Variants in CPEB3 observed in about 807,000 individuals in gnomAD.
The protein encoded by CPEB3 is cytoplasmic polyadenylation element-binding protein 3.
Under a neutral mutation model 67.2 loss-of-function variants are expected in CPEB3, and 20 were observed. The ratio of observed to expected loss-of-function variants is 0.30; its 90% confidence interval spans 0.21 to 0.43. CPEB3 has a LOEUF of 0.43. CPEB3 is among the 20% of genes least tolerant of loss of function. CPEB3 has a pLI of 1.00. For synonymous variants in CPEB3, 376 were observed against 393.1 expected (o/e 0.96, Z 0.51); for missense variants, 746 against 968.6 (o/e 0.77, Z 3.05).
chr10:92,272,269 A>T (rs780882330), intron 1 of CPEB3: 19 of 152,064 alleles, frequency 1.2e-4, no homozygotes, highest in South Asian at 2.1e-4. Context: ...TTTTTTGTTC[A>T]TTATTCTATT....
intron 9 of CPEB3, among the ~76,000 whole-genome samples, chr10:92,058,584 CATACATACATAT>C (rs1480269370): frequency 3.3e-5 from 4 of 122,568 alleles, no homozygotes; most frequent in South Asian, 3.5e-4. Flanking sequence ...TACATACATA[CATACATACATAT>C]ATATATATAT....
At chr10:92,216,714 T>C in intron 2 of CPEB3, 2 of 1,606,694 alleles carry the variant, frequency 1.2e-6, no homozygotes, top group Non-Finnish European at 8.5e-7. Flanking sequence ...TGTGTGATAA[T>C]GGTCAAGCCC....
intron 2 of CPEB3, among the ~76,000 whole-genome samples, chr10:92,197,775 C>T (rs1849309892): frequency 6.6e-6 from 1 of 152,190 alleles, no homozygotes; most frequent in Admixed American, 6.5e-5. Flanking sequence ...TGCATTATCT[C>T]ACAGCCCTAT....
intron 6 of CPEB3, among the ~76,000 whole-genome samples, chr10:92,130,687 C>CT (rs1355553775): frequency 6.8e-6 from 1 of 146,678 alleles, no homozygotes; most frequent in East Asian, 2.0e-4. Flanking sequence ...CAACTGAGGT[C>CT]TATCTATGTG....
chr10:92,217,583 G>A lies in CPEB3; in HGVS notation c.1005+21763C>T, dbSNP rs186151361. Among the ~76,000 whole-genome samples the A allele has an allele frequency of 1.8e-3, 272 of 151,710 alleles. 1 individual carries two copies. In the Middle Eastern group the frequency reaches 0.02, roughly 11 times the overall value. On this transcript the variant is annotated intron_variant, in intron 2 of 9. Coordinates refer to ENST00000265997, the MANE Select transcript of CPEB3 (RefSeq NM_014912.5). Reference sequence around the variant, plus strand: ...TCGAGACCAGCATGACCAACATGGAGGAACCCCGTCTCTACTAAAAATACA... The same window carrying A: ...TCGAGACCAGCATGACCAACATGGAAGAACCCCGTCTCTACTAAAAATACA...
chr10:92,175,536 A>G (rs1473746426), intron 4 of CPEB3, among the ~76,000 whole-genome samples: 1 of 152,178 alleles, frequency 6.6e-6, no homozygotes, highest in East Asian at 1.9e-4. Flanking sequence ...AAGTGGCCGT[A>G]TCATTTTATT....
intron 1 of CPEB3, among the ~76,000 whole-genome samples, chr10:92,258,814 C>T (rs1041560083): frequency 2.6e-5 from 4 of 151,298 alleles, no homozygotes; most frequent in African/African-American, 2.4e-5. Flanking sequence ...CCCACCACCA[C>T]GCTGAGTAAT....
At chr10:92,074,185 G>A (rs1842858665) in intron 9 of CPEB3, among the ~76,000 whole-genome samples, 2 of 152,002 alleles carry the variant, frequency 1.3e-5, no homozygotes, top group Admixed American at 1.3e-4. Flanking sequence ...GCCTCAAGCA[G>A]TCCTCCCAGC....
Position 92,240,147 on chromosome 10 carries a change from C to T in CPEB3, c.204G>A (p.Pro68=), listed in dbSNP as rs527936781. Residue 68 remains proline (P), a synonymous_variant, in exon 2 of 10, where the codon CCG becomes CCA. Coordinates refer to ENST00000265997, the MANE Select transcript of CPEB3 (RefSeq NM_014912.5). The part of the protein sequence containing the change: ...PAAAPPAPNG[P]DKMQMESPLL... ...GCGGTGATTCCATCTGCATCTTGTCCGGGCCGTTGGGGGCCGGGGGGGCAG... is the reference window on the plus strand; with the variant it reads ...GCGGTGATTCCATCTGCATCTTGTCTGGGCCGTTGGGGGCCGGGGGGGCAG... 33 of 1,562,582 alleles carry T rather than the reference C, an allele frequency of 2.1e-5. No individual in the cohort carries two copies. The South Asian group carries it at 3.7e-4, about 17-fold the overall frequency.
At chr10:92,258,950 G>A (rs945928240) in intron 1 of CPEB3, among the ~76,000 whole-genome samples, 55 of 148,492 alleles carry the variant, frequency 3.7e-4, no homozygotes, top group Admixed American at 1.1e-3. Flanking sequence ...GAGCCACCAC[G>A]CCTGGCCCTT....
intron 2 of CPEB3, among the ~76,000 whole-genome samples, chr10:92,205,106 G>A (rs1196094596): frequency 6.6e-6 from 1 of 152,016 alleles, no homozygotes; most frequent in Admixed American, 6.6e-5. Flanking sequence ...CCAAAGTGCT[G>A]GGATTACAGG....
intron 4 of CPEB3, among the ~76,000 whole-genome samples, chr10:92,175,108 T>A (rs1418379097): frequency 6.6e-6 from 1 of 151,944 alleles, no homozygotes; most frequent in Non-Finnish European, 1.5e-5. Context: ...TTCTCCAAGA[T>A]CTAAGCCCTC....
intron 1 of CPEB3, among the ~76,000 whole-genome samples, chr10:92,289,732 A>AAAAAAAAAAAAAAATATATATATAT: frequency 1.3e-5 from 1 of 75,772 alleles, no homozygotes; most frequent in Non-Finnish European, 2.6e-5. Context: ...AAAAAAAAAA[A>AAAAAAAAAAAAAAATATATATATAT]ATATATATAT....
At position 92,239,966 on chromosome 10, in the gene CPEB3, G is replaced by A. The variant is rs1851751959; in HGVS notation, c.385C>T (p.Pro129Ser). 6.2e-7 allele frequency: 1 copy of A among 1,613,244 alleles called. No homozygotes were observed. The highest frequency in any genetic ancestry group is 8.5e-7 in the Non-Finnish European group (1 of 1,179,624). ...TGGAAGAGCATGGTCCCGTTGACTGGGGTGATCCCCTGGAAGAAGCTGTCC... is the reference window on the plus strand; with the variant it reads ...TGGAAGAGCATGGTCCCGTTGACTGAGGTGATCCCCTGGAAGAAGCTGTCC... ...VEDSFFQGITPVNGTMLFQNF... is the reference protein window; with the variant it reads ...VEDSFFQGITSVNGTMLFQNF... The change falls in exon 2 of 10, where the codon CCA (proline) becomes TCA (serine). Residue 129 changes from proline (P) to serine (S), a missense_variant. Physicochemically the swap from Pro to Ser is moderately conservative, Grantham distance 74 (BLOSUM62 -1). This residue lies in a region of CPEB3 where 643 missense variants were observed against 717.5 expected (regional missense o/e 0.90). Coordinates refer to ENST00000265997, the MANE Select transcript of CPEB3 (RefSeq NM_014912.5). The surrounding 1 kb of genome is among the most constrained non-coding windows in gnomAD (Gnocchi z 6.0).
rs549819823 is a variant in CPEB3 at position 92,057,265 on chromosome 10, A to C, written c.1870-4826T>G. Among the ~76,000 whole-genome samples the C allele has an allele frequency of 2.4e-3, 367 of 152,322 alleles. 2 individuals carry two copies. The highest frequency in any genetic ancestry group is 9.7e-3 in the East Asian group (50 of 5,172). ...AAATATGGGTTGCAGGCCAGGCAGT[A>C]CTTACCACGAGCTGACTTAAGAGCC... is the stretch of plus-strand genomic sequence containing the variant. On this transcript the variant is annotated intron_variant, in intron 9 of 9. Coordinates refer to ENST00000265997, the MANE Select transcript of CPEB3 (RefSeq NM_014912.5).
rs973076488 is a variant in CPEB3 at position 92,266,253 on chromosome 10, G to A, written c.-12+24673C>T. On this transcript the variant is annotated intron_variant, in intron 1 of 9. Transcript: ENST00000265997. Reference sequence around the variant, plus strand: ...AAAACAGACTAAGACAGCCCATAAAGCATTCCTTTGAAACATCCCACTCTA... The same window carrying A: ...AAAACAGACTAAGACAGCCCATAAAACATTCCTTTGAAACATCCCACTCTA... Among the ~76,000 whole-genome samples the A allele has an allele frequency of 5.5e-4, 84 of 152,112 alleles. 2 individuals are homozygous for A. The highest frequency in any genetic ancestry group is 1.9e-4 in the Non-Finnish European group (13 of 68,030).
chr10:92,112,210 T>C (rs1260319159), intron 6 of CPEB3, among the ~76,000 whole-genome samples: 1 of 149,836 alleles, frequency 6.7e-6, no homozygotes, highest in African/African-American at 2.5e-5. Context: ...TGTGGTATGA[T>C]CTCGGCTCAC....
Position 92,240,013 on chromosome 10 carries a change from G to C in CPEB3, c.338C>G (p.Thr113Arg). Residue 113 changes from threonine (T) to arginine (R), a missense_variant, in exon 2 of 10, where the codon ACG becomes AGG. Transcript: ENST00000265997. ...LSPSFGSTWS[T>R]GTTNAVEDSF... ...GTCCTCTACCGCGTTGGTGGTGCCC[G>C]TGGACCAGGTGCTGCCGAAGGACGG... is the stretch of plus-strand genomic sequence containing the variant. The C allele has an allele frequency of 6.2e-7, 1 of 1,608,714 alleles. No individual in the cohort carries two copies. The highest frequency in any genetic ancestry group is 8.5e-7 in the Non-Finnish European group (1 of 1,177,726).
At chr10:92,107,953 T>A (rs938747428) in intron 7 of CPEB3, among the ~76,000 whole-genome samples, 1 of 152,110 alleles carries the variant, frequency 6.6e-6, no homozygotes, top group African/African-American at 2.4e-5. Context: ...AATTTGGAAT[T>A]CATTTGAGTT....
Sources: gnomAD v4.1 joint callset for allele counts (sites outside exome capture counted in the v4.1 genomes callset) on GRCh38, gnomAD v4.1.1 for gene constraint, gnomAD v4.1.1 regional missense constraint, Gnocchi (gnomAD v3.1) non-coding constraint, MANE v1.5 for transcripts, NCBI Gene and HGNC (gene_info 2026-07-23, HGNC 2026-07-21) for gene names.